Variants in MRAP2 observed in about 807,000 individuals in gnomAD.
MRAP2 encodes melanocortin-2 receptor accessory protein 2.
In MRAP2, 20 loss-of-function variants were observed where a neutral mutation model predicts 17.4. That is an observed-to-expected ratio of 1.15 (90% CI 0.81 to 1.67). The LOEUF (loss-of-function observed/expected upper bound fraction) is 1.67. Ranked by LOEUF, MRAP2 falls within the 40% of genes most tolerant of loss-of-function variation. MRAP2 has a pLI of 0.00. For missense variants in MRAP2, 238 were observed against 240.0 expected (o/e 0.99, Z 0.05); for synonymous variants, 96 against 88.4 (o/e 1.09, Z -0.48).
intron 1 of MRAP2, among the ~76,000 whole-genome samples, chr6:84,048,849 T>C (rs756717353): frequency 5.9e-5 from 9 of 152,224 alleles, no homozygotes; most frequent in Non-Finnish European, 1.3e-4. Context: ...GATATGCTCA[T>C]TATAAATCAT....
intron 3 of MRAP2, among the ~76,000 whole-genome samples, chr6:84,077,389 T>C (rs1012815044): frequency 2.0e-5 from 3 of 152,130 alleles, no homozygotes; most frequent in African/African-American, 7.2e-5. Context: ...TTGAGTACAT[T>C]GGGGGCTGTC....
intron 3 of MRAP2, among the ~76,000 whole-genome samples, chr6:84,073,039 C>T (rs1227311677): frequency 6.6e-6 from 1 of 152,212 alleles, no homozygotes; most frequent in Non-Finnish European, 1.5e-5. Flanking sequence ...TCATTCCCCA[C>T]CTATGGAGTC....
intron 2 of MRAP2, among the ~76,000 whole-genome samples, chr6:84,057,553 A>G (rs560165122): frequency 2.1e-4 from 32 of 152,310 alleles, no homozygotes; most frequent in South Asian, 1.2e-3. Flanking sequence ...AAACCTTATC[A>G]TGTATCAGAA....
the MRAP2 span, among the ~76,000 whole-genome samples, chr6:84,123,848 T>A: frequency 6.6e-6 from 1 of 152,170 alleles, no homozygotes; most frequent in Admixed American, 6.5e-5. Flanking sequence ...ATTCATCAGG[T>A]ACAAGGAACT....
chr6:84,067,274 T>C (rs1313634629), intron 3 of MRAP2, among the ~76,000 whole-genome samples: 1 of 152,220 alleles, frequency 6.6e-6, no homozygotes, highest in Non-Finnish European at 1.5e-5. Context: ...CTTTATCCAC[T>C]TGTTGATTGA....
the MRAP2 span, chr6:84,125,421 T>C: frequency 2.9e-6 from 2 of 692,290 alleles, no homozygotes; most frequent in Admixed American, 5.3e-5. Flanking sequence ...ACATTTTCTG[T>C]CTTCAAGGAG....
the MRAP2 span, chr6:84,126,563 C>A: frequency 7.8e-7 from 1 of 1,283,274 alleles, no homozygotes; most frequent in Non-Finnish European, 1.1e-6. Flanking sequence ...AAGAATTTAA[C>A]AGGTAATCTT....
chr6:84,100,660 A>G, the MRAP2 span, among the ~76,000 whole-genome samples: 1 of 152,162 alleles, frequency 6.6e-6, no homozygotes, highest in Admixed American at 6.6e-5. Context: ...TTTTTCAAAA[A>G]ATGTGCTCTA....
chr6:84,067,230 G>T (rs1169493253), intron 3 of MRAP2, among the ~76,000 whole-genome samples: 1 of 152,114 alleles, frequency 6.6e-6, no homozygotes, highest in Admixed American at 6.5e-5. Context: ...CCTTTTTATG[G>T]CTGAGTAGTG....
chr6:84,034,690 T>C (rs937713695), intron 1 of MRAP2, among the ~76,000 whole-genome samples: 24 of 151,958 alleles, frequency 1.6e-4, no homozygotes, highest in African/African-American at 5.8e-4. Context: ...CTCTGGTGTT[T>C]TGAAGGCAAA....
chr6:84,145,971 C>T, the MRAP2 span, among the ~76,000 whole-genome samples: 1 of 151,986 alleles, frequency 6.6e-6, no homozygotes, highest in Non-Finnish European at 1.5e-5. Flanking sequence ...CATATAGAGG[C>T]CTAACTTTGA....
At chr6:84,142,734 A>G in the MRAP2 span, among the ~76,000 whole-genome samples, 1 of 152,168 alleles carries the variant, frequency 6.6e-6, no homozygotes, top group Non-Finnish European at 1.5e-5. Flanking sequence ...TCTGCTAGAC[A>G]TTTAAAATTA....
the MRAP2 span, among the ~76,000 whole-genome samples, chr6:84,139,398 G>A: frequency 2.6e-5 from 4 of 152,246 alleles, no homozygotes; most frequent in Non-Finnish European, 4.4e-5. Context: ...TTTTCATGAG[G>A]TTTCTCCTGT....
the MRAP2 span, among the ~76,000 whole-genome samples, chr6:84,109,947 C>A: frequency 3.3e-5 from 5 of 152,164 alleles, no homozygotes; most frequent in African/African-American, 1.2e-4. Context: ...TTTTTTATGG[C>A]TGCATAGTAT....
the MRAP2 span, among the ~76,000 whole-genome samples, chr6:84,128,127 G>GTGTT: frequency 1.3e-5 from 2 of 152,284 alleles, no homozygotes; most frequent in South Asian, 4.1e-4. Flanking sequence ...AGAGAGGTAG[G>GTGTT]TGTTTAACAA....
chr6:84,075,101 G>C (rs1217651614), intron 3 of MRAP2, among the ~76,000 whole-genome samples: 1 of 152,204 alleles, frequency 6.6e-6, no homozygotes, highest in African/African-American at 2.4e-5. Context: ...ATCTCCACTT[G>C]CAGCTGCCCT....
At chr6:84,142,229 T>C in the MRAP2 span, among the ~76,000 whole-genome samples, 2 of 152,172 alleles carry the variant, frequency 1.3e-5, no homozygotes, top group Non-Finnish European at 2.9e-5. Context: ...AGTAAAAAGT[T>C]TGGCCAGCTA....
intron 3 of MRAP2, among the ~76,000 whole-genome samples, chr6:84,086,286 A>G (rs992478883): frequency 6.6e-6 from 1 of 152,216 alleles, no homozygotes; most frequent in African/African-American, 2.4e-5. Context: ...AAGGAACAAT[A>G]TGGGTGGTGC....
chr6:84,046,926 G>A (rs886131908), intron 1 of MRAP2, among the ~76,000 whole-genome samples: 8 of 151,816 alleles, frequency 5.3e-5, no homozygotes, highest in Admixed American at 1.3e-4. Context: ...TGAAAGGGAT[G>A]ATTCCTCACA....
Sources: allele counts gnomAD v4.1 joint callset (sites outside exome capture counted in the v4.1 genomes callset), GRCh38; gene constraint gnomAD v4.1.1; transcripts MANE v1.5; gene names NCBI Gene and HGNC (gene_info 2026-07-23, HGNC 2026-07-21).